Variants in RBFOX1 observed in about 807,000 individuals in gnomAD.
RBFOX1 encodes the protein RNA binding protein fox-1 homolog 1.
Under a neutral mutation model 57.7 loss-of-function variants are expected in RBFOX1, and 8 were observed. The observed-to-expected ratio is 0.14, with a 90% confidence interval of 0.08 to 0.25. The LOEUF (loss-of-function observed/expected upper bound fraction) is 0.25, where lower values mean the gene tolerates loss of function less well. Ranked by LOEUF, RBFOX1 falls within the 10% of genes least tolerant of loss-of-function variation. The pLI is 1.00. For synonymous variants in RBFOX1, 326 were observed against 222.4 expected (o/e 1.47, Z -4.15); for missense variants, 611 against 548.5 (o/e 1.11, Z -1.14).
intron 4 of RBFOX1, among the ~76,000 whole-genome samples, chr16:5,913,333 C>G (rs1168681050): frequency 6.6e-6 from 1 of 152,184 alleles, no homozygotes; most frequent in Non-Finnish European, 1.5e-5. Context: ...CCCTCCAAAT[C>G]TCATTCGGAA....
chr16:6,922,687 G>A (rs1332383680), intron 3 of RBFOX1, among the ~76,000 whole-genome samples: 2 of 151,992 alleles, frequency 1.3e-5, no homozygotes, highest in Non-Finnish European at 2.9e-5. Flanking sequence ...GCCATGTTTT[G>A]GGCCTCACTG....
intron 2 of RBFOX1, among the ~76,000 whole-genome samples, chr16:6,459,421 T>C (rs1301173815): frequency 2.0e-5 from 3 of 152,208 alleles, no homozygotes; most frequent in African/African-American, 7.2e-5. Context: ...CTGCATCCCC[T>C]CAGTATGAAT....
chr16:5,559,168 A>G (rs1211042179), intron 2 of RBFOX1, among the ~76,000 whole-genome samples: 8 of 48,062 alleles, frequency 1.7e-4, no homozygotes, highest in Admixed American at 1.5e-3. Flanking sequence ...CCCCAGGCAA[A>G]AAAAAAAAAA....
At chr16:5,703,997 C>G (rs1357017668) in intron 3 of RBFOX1, among the ~76,000 whole-genome samples, 1 of 152,120 alleles carries the variant, frequency 6.6e-6, no homozygotes. Flanking sequence ...CATGGTCGCT[C>G]AGATCTGTTC....
At chr16:6,231,831 GTTTTTTT>G (rs34438828) in intron 1 of RBFOX1, among the ~76,000 whole-genome samples, 18 of 123,600 alleles carry the variant, frequency 1.5e-4, no homozygotes, top group African/African-American at 4.6e-4. Flanking sequence ...TAGCTTTCCA[GTTTTTTT>G]TTTTTTTTTT....
At chr16:7,271,111 C>T (rs749711581) in intron 4 of RBFOX1, among the ~76,000 whole-genome samples, 1 of 152,248 alleles carries the variant, frequency 6.6e-6, no homozygotes, top group African/African-American at 2.4e-5. Flanking sequence ...ACATTGTGCA[C>T]ATTTTTGAAG....
At chr16:6,884,957 G>C (rs778738962) in intron 3 of RBFOX1, among the ~76,000 whole-genome samples, 1 of 152,108 alleles carries the variant, frequency 6.6e-6, no homozygotes, top group African/African-American at 2.4e-5. Context: ...GTAAAACTGA[G>C]ACCGCAACCC....
At chr16:5,621,601 C>A (rs558565002) in intron 3 of RBFOX1, among the ~76,000 whole-genome samples, 5 of 152,072 alleles carry the variant, frequency 3.3e-5, no homozygotes, top group Non-Finnish European at 5.9e-5. Flanking sequence ...ACTTCCCCTA[C>A]GGAAAATACT....
At chr16:5,860,063 T>C (rs969751654) in intron 3 of RBFOX1, among the ~76,000 whole-genome samples, 2 of 152,162 alleles carry the variant, frequency 1.3e-5, no homozygotes, top group Admixed American at 1.3e-4. Flanking sequence ...AGCAGCCCAG[T>C]AGACAGTAGT....
chr16:5,869,412 A>G (rs1020743988), intron 4 of RBFOX1, among the ~76,000 whole-genome samples: 1 of 152,080 alleles, frequency 6.6e-6, no homozygotes, highest in African/African-American at 2.4e-5. Flanking sequence ...ATTTATACGT[A>G]TATATTTTTA....
chr16:6,856,017 C>T (rs1014224015), intron 3 of RBFOX1, among the ~76,000 whole-genome samples: 2 of 152,082 alleles, frequency 1.3e-5, no homozygotes, highest in Non-Finnish European at 2.9e-5. Flanking sequence ...CCCTTATATT[C>T]TCTAACTAGG....
intron 2 of RBFOX1, among the ~76,000 whole-genome samples, chr16:5,541,959 T>C (rs1446947293): frequency 1.3e-5 from 2 of 152,256 alleles, no homozygotes; most frequent in South Asian, 4.1e-4. Context: ...ATTTCTTTAG[T>C]GGTGATTTCT....
chr16:7,370,790 G>A (rs900597180), intron 4 of RBFOX1, among the ~76,000 whole-genome samples: 7 of 152,176 alleles, frequency 4.6e-5, no homozygotes, highest in South Asian at 2.1e-4. Flanking sequence ...TATTTGAAAC[G>A]CATTTTTGCT....
intron 3 of RBFOX1, among the ~76,000 whole-genome samples, chr16:5,726,288 A>G (rs938904146): frequency 6.6e-6 from 1 of 151,778 alleles, no homozygotes; most frequent in Non-Finnish European, 1.5e-5. Flanking sequence ...GGATGTATTC[A>G]GATAATTCAG....
At chr16:5,960,757 A>G (rs377692232) in intron 4 of RBFOX1, among the ~76,000 whole-genome samples, 44 of 152,174 alleles carry the variant, frequency 2.9e-4, no homozygotes, top group African/African-American at 1.0e-3. Flanking sequence ...ACCCCAACAC[A>G]GTGAAAAGCC....
chr16:6,271,976 A>T (rs4786091), intron 1 of RBFOX1, among the ~76,000 whole-genome samples: 105,221 of 151,984 alleles, frequency 0.69, 37,687 homozygotes, highest in East Asian at 0.95. Context: ...TGACAGTGAA[A>T]CAGGACAAAG....
At chr16:6,157,405 G>A (rs1304936538) in intron 1 of RBFOX1, among the ~76,000 whole-genome samples, 3 of 152,032 alleles carry the variant, frequency 2.0e-5, no homozygotes, top group African/African-American at 7.2e-5. Flanking sequence ...TATCAGTATG[G>A]CCTAAATATT....
intron 1 of RBFOX1, among the ~76,000 whole-genome samples, chr16:5,285,764 C>T (rs2063378734): frequency 6.6e-6 from 1 of 152,046 alleles, no homozygotes; most frequent in Admixed American, 6.6e-5. Context: ...GCTTAGACTG[C>T]AGTTTTTTTT....
chr16:7,668,220 T>C (rs568353005), intron 13 of RBFOX1, among the ~76,000 whole-genome samples: 1 of 152,310 alleles, frequency 6.6e-6, no homozygotes, highest in East Asian at 1.9e-4. Flanking sequence ...CACCTGAGGT[T>C]GGAGCCCTCG....
Sources: gnomAD v4.1 joint callset for allele counts (sites outside exome capture counted in the v4.1 genomes callset) on GRCh38, gnomAD v4.1.1 for gene constraint, MANE v1.5 for transcripts, NCBI Gene and HGNC (gene_info 2026-07-23, HGNC 2026-07-21) for gene names.